Variants in SFMBT1 observed in about 807,000 individuals in gnomAD.
SFMBT1 encodes the protein scm-like with four MBT domains protein 1.
Under a neutral mutation model 108.7 loss-of-function variants are expected in SFMBT1, and 32 were observed. The observed-to-expected ratio is 0.29, with a 90% CI of 0.22 to 0.40. The LOEUF (loss-of-function observed/expected upper bound fraction) is 0.40. Among genes scored for constraint, SFMBT1 ranks in the 10% least tolerant of loss-of-function variants. The pLI, the probability that SFMBT1 is intolerant of heterozygous loss-of-function variation, is 1.00. For synonymous variants in SFMBT1, 348 were observed against 369.5 expected (o/e 0.94, Z 0.67); for missense variants, 816 against 1,059.6 (o/e 0.77, Z 3.19).
In SFMBT1 at chr3:52,969,119, C is replaced by A. The variant is rs761729090; in HGVS notation, c.10G>T (p.Glu4Ter). The change falls in exon 2 of 21, where the codon GAG becomes TAG. Residue 4 changes from glutamate (E) to a stop codon, truncating the protein, a stop_gained. Coordinates refer to ENST00000394752, the MANE Select transcript of SFMBT1 (RefSeq NM_016329.4). LOFTEE classifies it high-confidence loss of function. MNG[E>*]QQLDADAGSG... ...CCAATACCTGCATCAAGCTGCTGCT[C>A]CCCGTTCATTTCCACAGCATATAGG... 6.2e-7 allele frequency: 1 copy of A among 1,614,034 alleles called. No individual in the cohort carries two copies. Among genetic ancestry groups the A allele is most frequent in the Admixed American group, 1.7e-5 (1 of 60,022 alleles).
intron 1 of SFMBT1, among the ~76,000 whole-genome samples, chr3:53,045,521 T>C (rs1700203261): frequency 7.2e-6 from 1 of 139,166 alleles, no homozygotes; most frequent in Admixed American, 7.0e-5. Context: ...CCGCCGCCGC[T>C]CTCCGCCGCG....
intron 4 of SFMBT1, among the ~76,000 whole-genome samples, chr3:52,940,019 A>G (rs1158968508): frequency 6.6e-6 from 1 of 151,990 alleles, no homozygotes; most frequent in Admixed American, 6.6e-5. Flanking sequence ...ATCTGACACA[A>G]TGTTCACCTC....
Position 53,006,091 on chromosome 3 carries a change from G to A in SFMBT1, c.-130-36833C>T, listed in dbSNP as rs201186374. ...TGAAGAAGTTGATTAGCCCATTGGC[G>A]GAAGCATAGTGAGAGGTCACTTCAA... On this transcript the variant is annotated intron_variant, in intron 1 of 20. Transcript: ENST00000394752. 7.2e-5 allele frequency among the ~76,000 whole-genome samples: 11 copies of A among 152,310 alleles called. No individual in the cohort carries two copies. The East Asian group carries it at 9.7e-4, about 13-fold the overall frequency.
chr3:52,956,739 C>T (rs879736533), intron 2 of SFMBT1, among the ~76,000 whole-genome samples: 14 of 151,918 alleles, frequency 9.2e-5, no homozygotes, highest in Non-Finnish European at 8.8e-5. Context: ...CCAGGCTGGG[C>T]GACAGAGCGA....
At chr3:52,962,338 C>T (rs1183127061) in intron 2 of SFMBT1, among the ~76,000 whole-genome samples, 1 of 152,170 alleles carries the variant, frequency 6.6e-6, no homozygotes, top group Non-Finnish European at 1.5e-5. Flanking sequence ...ATAACCCTGA[C>T]GTCCATCAAT....
chr3:53,028,103 C>CT (rs1177056867), intron 1 of SFMBT1, among the ~76,000 whole-genome samples: 3 of 152,162 alleles, frequency 2.0e-5, no homozygotes, highest in African/African-American at 7.2e-5. Context: ...TCAGACCACT[C>CT]TTTTTGAGAC....
chr3:52,980,326 CT>C (rs35642895), intron 1 of SFMBT1, among the ~76,000 whole-genome samples: 3,593 of 152,278 alleles, frequency 0.024, 149 homozygotes, highest in African/African-American at 0.082. Flanking sequence ...AGTGTTGCGA[CT>C]ATCTCCGTAA....
chr3:53,013,786 A>G (rs374112955), intron 1 of SFMBT1, among the ~76,000 whole-genome samples: 1 of 146,674 alleles, frequency 6.8e-6, no homozygotes, highest in African/African-American at 2.7e-5. Flanking sequence ...CCACCACCAC[A>G]CCCAGCTAAT....
chr3:52,985,257 AGACTT>A (rs1704865527), intron 1 of SFMBT1, among the ~76,000 whole-genome samples: 1 of 152,236 alleles, frequency 6.6e-6, no homozygotes, highest in African/African-American at 2.4e-5. Context: ...AGTTATGAAA[AGACTT>A]GAAATTATTC....
At chr3:52,924,894 T>A (rs1308306828) in intron 10 of SFMBT1, among the ~76,000 whole-genome samples, 1 of 152,060 alleles carries the variant, frequency 6.6e-6, no homozygotes, top group Non-Finnish European at 1.5e-5. Flanking sequence ...CAATTATTAT[T>A]GAGGATAAAA....
intron 1 of SFMBT1, among the ~76,000 whole-genome samples, chr3:52,975,329 T>A (rs1393408077): frequency 6.6e-6 from 1 of 151,990 alleles, no homozygotes; most frequent in African/African-American, 2.4e-5. Flanking sequence ...CAATAGGGCA[T>A]TTTTTTTCTT....
chr3:52,972,252 G>A (rs1266491718), intron 1 of SFMBT1, among the ~76,000 whole-genome samples: 1 of 152,218 alleles, frequency 6.6e-6, no homozygotes, highest in Non-Finnish European at 1.5e-5. Context: ...AAGGCATTAA[G>A]TGGAGAGATG....
chr3:52,946,394 T>C (rs1370825081), intron 3 of SFMBT1, among the ~76,000 whole-genome samples: 1 of 152,250 alleles, frequency 6.6e-6, no homozygotes, highest in Middle Eastern at 3.2e-3. Flanking sequence ...ACACTATGGT[T>C]ATATTGACTA....
chr3:52,903,664 TG>T lies in SFMBT1; in HGVS notation c.*1471del, dbSNP rs1359528991. On this transcript the variant is annotated 3_prime_UTR_variant, in exon 21 of 21. Coordinates refer to ENST00000394752, the MANE Select transcript of SFMBT1 (RefSeq NM_016329.4). ...TTTTCAAATCTTGAGGAAGAATGATTGGGTTATAAATTTGCAGGTGATTAGG... is the reference window on the plus strand; with the variant it reads ...TTTTCAAATCTTGAGGAAGAATGATTGGTTATAAATTTGCAGGTGATTAGG... The T allele has an allele frequency of 2.0e-5, 3 of 152,244 alleles. No individual in the cohort carries two copies. Among genetic ancestry groups the T allele is most frequent in the Admixed American group, 2.0e-4 (3 of 15,284 alleles). 9.4% of individuals were successfully genotyped at this position (152,244 alleles called of 1,614,324 possible).
At chr3:52,995,227 C>T (rs1698281959) in intron 1 of SFMBT1, among the ~76,000 whole-genome samples, 1 of 149,726 alleles carries the variant, frequency 6.7e-6, no homozygotes, top group South Asian at 2.1e-4. Flanking sequence ...ACAAATGGTA[C>T]AGAAACAACT....
rs757545750 is a variant in SFMBT1, at chr3:52,903,691, A to G, written c.*1445T>C. On this transcript the variant is annotated 3_prime_UTR_variant, in exon 21 of 21. Transcript: ENST00000394752. ...GGTTATAAATTTGCAGGTGATTAGG[A>G]TAAAAAAAATTCAGCAAAGCAAACC... The G allele has an allele frequency of 2.0e-5, 3 of 152,248 alleles. No homozygotes were observed. Among genetic ancestry groups the G allele is most frequent in the Admixed American group, 6.5e-5 (1 of 15,286 alleles). The allele number at this position is 152,248 out of a possible 1,614,324, so 9.4% of individuals were successfully genotyped here.
intron 1 of SFMBT1, among the ~76,000 whole-genome samples, chr3:52,997,950 A>G (rs1236056753): frequency 6.6e-6 from 1 of 150,750 alleles, no homozygotes; most frequent in African/African-American, 2.4e-5. Flanking sequence ...TATTTTTTAA[A>G]TTTATTTTTG....
At chr3:53,023,637 G>C (rs1212823081) in intron 1 of SFMBT1, among the ~76,000 whole-genome samples, 1 of 152,146 alleles carries the variant, frequency 6.6e-6, no homozygotes, top group Non-Finnish European at 1.5e-5. Context: ...CGTCAGCTGT[G>C]CTCCCATTAG....
chr3:52,910,565 T>C (rs1575365511), intron 17 of SFMBT1, among the ~76,000 whole-genome samples: 2 of 152,284 alleles, frequency 1.3e-5, no homozygotes, highest in Admixed American at 1.3e-4. Context: ...CTCAGCTCAC[T>C]GCAACCTTCA....
Sources: gnomAD v4.1 joint callset for allele counts (sites outside exome capture counted in the v4.1 genomes callset) on GRCh38, gnomAD v4.1.1 for gene constraint, MANE v1.5 for transcripts, NCBI Gene and HGNC (gene_info 2026-07-23, HGNC 2026-07-21) for gene names.